The following UGT2B4 variants were observed in gnomAD, a reference collection of about 807,000 sequenced individuals.
UGT2B4 encodes UDP glucuronosyltransferase family 2 member B4.
A neutral mutation model predicts 49.8 loss-of-function variants in UGT2B4; 49 were observed. That is an observed-to-expected ratio of 0.98 (90% CI 0.78 to 1.25). The LOEUF (loss-of-function observed/expected upper bound fraction) is 1.25, where lower values mean the gene tolerates loss of function less well. Among genes scored for constraint, UGT2B4 ranks in the 50% most tolerant of loss-of-function variants. UGT2B4 has a pLI of 0.00. For synonymous variants in UGT2B4, 246 were observed against 217.7 expected (o/e 1.13, Z -1.14); for missense variants, 729 against 627.7 (o/e 1.16, Z -1.73).
intron 1 of UGT2B4, chr4:69,517,537 C>T (rs1198581543): frequency 6.6e-6 from 1 of 152,150 alleles, no homozygotes; most frequent in South Asian, 2.1e-4. Context: ...AAACATTATA[C>T]TCACTTAAGC....
chr4:69,493,921 T>C lies in UGT2B4; in HGVS notation c.722-80A>G, dbSNP rs41300002. On this transcript the variant is annotated intron_variant, in intron 1 of 5. Coordinates refer to ENST00000305107, the MANE Select transcript of UGT2B4 (RefSeq NM_021139.3). ...AATTTTCTGAAAGAAGTTAGAATAA[T>C]GTGGGCAAAAATGTAGGCAAAGTGT... 8 of 1,497,124 alleles carry C rather than the reference T, an allele frequency of 5.3e-6. No individual in the cohort carries two copies. In the East Asian group the frequency reaches 7.3e-5, roughly 14 times the overall value. The allele number at this position is 1,497,124 out of a possible 1,614,324, so 92.7% of individuals were successfully genotyped here. A position where few individuals can be genotyped will look rare whatever the true frequency, so the allele number is the denominator to read the frequency against.
chr4:69,505,821 ACT>A (rs1728454445), intron 1 of UGT2B4, among the ~76,000 whole-genome samples: 1 of 152,150 alleles, frequency 6.6e-6, no homozygotes, highest in Non-Finnish European at 1.5e-5. Flanking sequence ...GAAGTGAAAC[ACT>A]CTTTAGAAAA....
chr4:69,520,667 C>CCAGCCCCATGACACCT (rs146838526), intron 1 of UGT2B4, among the ~76,000 whole-genome samples: 19,591 of 152,092 alleles, frequency 0.13, 1,709 homozygotes, highest in Non-Finnish European at 0.19. Flanking sequence ...GGCTGACACA[C>CCAGCCCCATGACACCT]CAGCCCCATG....
At chr4:69,488,945 T>C (rs1295260517) in intron 3 of UGT2B4, among the ~76,000 whole-genome samples, 2 of 152,100 alleles carry the variant, frequency 1.3e-5, no homozygotes, top group Non-Finnish European at 2.9e-5. Context: ...TATTCCAAAA[T>C]GTACAGGAAG....
chr4:69,490,754 G>A (rs906275091), intron 2 of UGT2B4, among the ~76,000 whole-genome samples: 1 of 152,108 alleles, frequency 6.6e-6, no homozygotes, highest in Non-Finnish European at 1.5e-5. Flanking sequence ...TGATGTTAGA[G>A]TCATTGTTCT....
chr4:69,486,254 A>G (rs1414140510), intron 4 of UGT2B4, among the ~76,000 whole-genome samples: 1 of 152,166 alleles, frequency 6.6e-6, no homozygotes, highest in Non-Finnish European at 1.5e-5. Context: ...ATAGCAGAAG[A>G]GCTGTTACTT....
chr4:69,494,257 A>G (rs1488336364), intron 1 of UGT2B4, among the ~76,000 whole-genome samples: 1 of 152,264 alleles, frequency 6.6e-6, no homozygotes, highest in Admixed American at 6.5e-5. Context: ...CTAATTTCCC[A>G]TTCATTAATC....
chr4:69,517,565 T>C (rs1728761170), intron 1 of UGT2B4: 1 of 152,194 alleles, frequency 6.6e-6, no homozygotes, highest in Admixed American at 6.5e-5. Context: ...GCTACAACAT[T>C]TTCTAAAATA....
chr4:69,502,141 CTTTCTTTCTCTTTCTT>C (rs1333508685), intron 1 of UGT2B4, among the ~76,000 whole-genome samples: 10 of 117,968 alleles, frequency 8.5e-5, no homozygotes, highest in African/African-American at 3.0e-4. Context: ...TTCTTTCTTT[CTTTCTTTCTCTTTCTT>C]TCTTTCTTCT....
chr4:69,490,035 A>G (rs943492010), intron 2 of UGT2B4, among the ~76,000 whole-genome samples: 1 of 152,158 alleles, frequency 6.6e-6, no homozygotes, highest in Admixed American at 6.6e-5. Context: ...GCACTGAGGA[A>G]AAGTTACTCA....
intron 1 of UGT2B4, among the ~76,000 whole-genome samples, chr4:69,513,454 T>C (rs1400496307): frequency 6.6e-6 from 1 of 152,186 alleles, no homozygotes; most frequent in Non-Finnish European, 1.5e-5. Context: ...TGTCTGCTCT[T>C]GTACCAGTAC....
chr4:69,505,419 T>C (rs1728442995), intron 1 of UGT2B4, among the ~76,000 whole-genome samples: 1 of 152,078 alleles, frequency 6.6e-6, no homozygotes, highest in African/African-American at 2.4e-5. Context: ...ACCATATATT[T>C]CAATCCTACT....
chr4:69,509,359 G>A lies in UGT2B4; in HGVS notation c.-105-13393C>T, dbSNP rs139847503. On this transcript the variant is annotated intron_variant, in intron 1 of 1. Coordinates refer to the UGT2B4 transcript ENST00000510114. ...GTCTAATTTTTGTATTTTTAGTACA[G>A]ATGGGGTTCACCATGTGGAAGTTCT... Among the ~76,000 whole-genome samples the A allele has an allele frequency of 5.8e-3, 882 of 152,116 alleles. 5 individuals carry two copies. Among genetic ancestry groups the A allele is most frequent in the Non-Finnish European group, 9.4e-3 (640 of 67,982 alleles).
Position 69,480,666 on chromosome 4 carries a change from C to A in UGT2B4, c.1555G>T (p.Val519Phe), listed in dbSNP as rs1560429789. 6.2e-7 allele frequency: 1 copy of A among 1,614,028 alleles called. No homozygotes were observed. Among genetic ancestry groups the A allele is most frequent in the East Asian group, 2.2e-5 (1 of 44,842 alleles). The change falls in exon 6 of 6, where the codon GTT (valine) becomes TTT (phenylalanine). Residue 519 changes from valine (V) to phenylalanine (F), a missense_variant. Val to Phe is a conservative substitution (Grantham distance 50, BLOSUM62 -1). Coordinates refer to ENST00000305107, the MANE Select transcript of UGT2B4 (RefSeq NM_021139.3). ...TKCLFCVWKF[V>F]RTGKKGKRD ...CTTTTCCCCTTCTTTCCTGTTCTAA[C>A]AAACTTCCAGACACAAAACAGACAT... is the stretch of plus-strand genomic sequence containing the variant.
At position 69,480,908 on chromosome 4, in the gene UGT2B4, T is replaced by C. The variant is rs1727566697; in HGVS notation, c.1313A>G (p.Tyr438Cys). 5 of 1,612,900 alleles carry C rather than the reference T, an allele frequency of 3.1e-6. No homozygotes were observed. The highest frequency in any genetic ancestry group is 1.3e-5 in the African/African-American group (1 of 74,906). ...ALKTVINDPL[Y>C]KENAMKLSRI... The stretch of plus-strand genomic sequence containing the variant: ...TGATAATTTCATAGCATTCTCTTTA[T>C]ATCTAAACGATAAGCAGAAAAGTAT... The change falls in exon 6 of 6, where the codon TAT becomes TGT. Residue 438 changes from tyrosine (Y) to cysteine (C), a missense_variant and splice_region_variant. Transcript: ENST00000305107.
At chr4:69,491,097 T>A (rs1179238158) in intron 2 of UGT2B4, among the ~76,000 whole-genome samples, 1 of 152,152 alleles carries the variant, frequency 6.6e-6, no homozygotes, top group East Asian at 1.9e-4. Flanking sequence ...TATGTTTTCA[T>A]CATGGCTTTT....
At chr4:69,523,460 A>C (rs1277305625) in intron 1 of UGT2B4, among the ~76,000 whole-genome samples, 4 of 152,126 alleles carry the variant, frequency 2.6e-5, no homozygotes, top group African/African-American at 4.8e-5. Flanking sequence ...CTTGTCATTG[A>C]GAGGTAAAAT....
chr4:69,524,377 T>C (rs551391122), intron 1 of UGT2B4, among the ~76,000 whole-genome samples: 1 of 131,426 alleles, frequency 7.6e-6, no homozygotes, highest in East Asian at 2.1e-4. Context: ...ATTTTAACGT[T>C]GTCGTTTCTC....
chr4:69,492,452 G>A (rs1728017892), intron 2 of UGT2B4, among the ~76,000 whole-genome samples: 1 of 151,972 alleles, frequency 6.6e-6, no homozygotes, highest in Non-Finnish European at 1.5e-5. Context: ...TGTCACTTGT[G>A]GTAGAATTTT....
Sources: gnomAD v4.1 joint callset for allele counts (sites outside exome capture counted in the v4.1 genomes callset) on GRCh38, gnomAD v4.1.1 for gene constraint, MANE v1.5 for transcripts, NCBI Gene and HGNC (gene_info 2026-07-23, HGNC 2026-07-21) for gene names.